Variants in IPO13 observed in about 807,000 individuals in gnomAD.
IPO13 encodes the protein importin-13.
In IPO13, 28 loss-of-function variants were observed where a neutral mutation model predicts 115.5. That is an observed-to-expected ratio of 0.24 (90% confidence interval 0.18 to 0.33). The LOEUF is 0.33. IPO13 is among the 10% of genes least tolerant of loss of function. The probability of loss-of-function intolerance (pLI) is 1.00; values close to 1 mark genes in which losing one functional copy is unlikely to be tolerated. For synonymous variants in IPO13, 414 were observed against 478.9 expected (o/e 0.86, Z 1.77); for missense variants, 785 against 1,204.6 (o/e 0.65, Z 5.16).
chr1:43,949,265 C>A, intron 1 of IPO13, 152 bp from the exon 2 acceptor site: 1 of 727,996 alleles, frequency 1.4e-6, no homozygotes, highest in Non-Finnish European at 2.2e-6. Flanking sequence ...GGACCCCAGG[C>A]CCAGGAAACA....
At chr1:43,963,968 A>G (rs117320340) in intron 14 of IPO13, among the ~76,000 whole-genome samples, 1 of 152,294 alleles carries the variant, frequency 6.6e-6, no homozygotes, top group East Asian at 1.9e-4. Context: ...CTTCAGCTAT[A>G]TGGAGTCCAG....
rs2085327110 is a variant in IPO13 at position 43,966,652 on chromosome 1, C to T, written c.2464+11C>T. ...CTGTGTTCCAGTGTGGTAAGTGGGG[C>T]GAGATGGACAGGTGGGCCTGGGGCT... On this transcript the variant is annotated intron_variant, in intron 16 of 19. Transcript: ENST00000372343. This position sits in a 1 kb window ranked among gnomAD's most constrained non-coding sequence, Gnocchi z 4.1. 12 of 1,614,076 alleles carry T rather than the reference C, an allele frequency of 7.4e-6. No homozygotes were observed. Among genetic ancestry groups the T allele is most frequent in the South Asian group, 2.2e-5 (2 of 91,078 alleles).
In IPO13 at chr1:43,949,562, T is replaced by A. The variant is rs776645448; in HGVS notation, c.230T>A (p.Phe77Tyr). 6.2e-7 allele frequency: 1 copy of A among 1,614,064 alleles called. No homozygotes were observed. The highest frequency in any genetic ancestry group is 8.5e-7 in the Non-Finnish European group (1 of 1,180,032). ...GACAAGGTACCAGAGATCCAGTACT[T>A]TGGGGCCAGTGCTCTTCACATCAAG... ...QPDKVPEIQY[F>Y]GASALHIKIS... The change falls in exon 2 of 20, where the codon TTT (phenylalanine) becomes TAT (tyrosine). Residue 77 changes from phenylalanine to tyrosine, a missense_variant. Physicochemically the swap from Phe to Tyr is conservative, Grantham distance 22 (BLOSUM62 3). Coordinates refer to ENST00000372343, the MANE Select transcript of IPO13 (RefSeq NM_014652.4).
rs2085331837 is a variant in IPO13 at position 43,967,252 on chromosome 1, T to A, written c.2614-63T>A. 1.3e-6 allele frequency: 2 copies of A among 1,550,950 alleles called. No homozygotes were observed. Among genetic ancestry groups the A allele is most frequent in the Non-Finnish European group, 1.8e-6 (2 of 1,132,012 alleles). On this transcript the variant is annotated intron_variant, in intron 18 of 19. Coordinates refer to ENST00000372343, the MANE Select transcript of IPO13 (RefSeq NM_014652.4). The surrounding 1 kb of genome is among the most constrained non-coding windows in gnomAD (Gnocchi z 6.1). Reference sequence around the variant, plus strand: ...GAACTGTCCAGAGGGCAGTTAGGCATTCTTGCTGCAGAAGCGGCGGAAGGG... The same window carrying A: ...GAACTGTCCAGAGGGCAGTTAGGCAATCTTGCTGCAGAAGCGGCGGAAGGG...
At position 43,966,477 on chromosome 1, in the gene IPO13, C is replaced by A. The variant is rs181882721; in HGVS notation, c.2398-98C>A. ...GGTAGCTGGTTTTGGCAGCCTCTACCTGTGAGGTGTGAAGTTGGGGGCTGG... is the reference window on the plus strand; with the variant it reads ...GGTAGCTGGTTTTGGCAGCCTCTACATGTGAGGTGTGAAGTTGGGGGCTGG... On this transcript the variant is annotated intron_variant, in intron 15 of 19. Transcript: ENST00000372343. The surrounding 1 kb of genome is among the most constrained non-coding windows in gnomAD (Gnocchi z 4.1). The A allele has an allele frequency of 1.2e-5, 15 of 1,276,566 alleles. No individual in the cohort carries two copies. In the East Asian group the frequency reaches 3.5e-4, roughly 30 times the overall value. 79.1% of individuals were successfully genotyped at this position (1,276,566 alleles called of 1,614,324 possible).
Position 43,966,500 on chromosome 1 carries a change from T to C in IPO13, c.2398-75T>C. The C allele has an allele frequency of 2.7e-6, 4 of 1,470,994 alleles. No homozygotes were observed. The highest frequency in any genetic ancestry group is 3.8e-6 in the Non-Finnish European group (4 of 1,054,024). 91.1% of individuals were successfully genotyped at this position (1,470,994 alleles called of 1,614,324 possible). On this transcript the variant is annotated intron_variant, in intron 15 of 19. Transcript: ENST00000372343. This position sits in a 1 kb window ranked among gnomAD's most constrained non-coding sequence, Gnocchi z 4.1. ...ACCTGTGAGGTGTGAAGTTGGGGGC[T>C]GGGGTGGCAGGTGAGTGGGGGGGAT...
rs933251557 is a variant in IPO13 at position 43,949,920 on chromosome 1, G to A, written c.588G>A (p.Val196=). The A allele has an allele frequency of 1.2e-6, 2 of 1,609,968 alleles. No homozygotes were observed. Among genetic ancestry groups the A allele is most frequent in the Non-Finnish European group, 1.7e-6 (2 of 1,179,616 alleles). ...RKGLVRTSLA[V]ECGAVFPLLE... is the part of the protein sequence containing the mutation. ...GCCTGGTGCGGACCAGCCTGGCGGT[G>A]GAATGTGGGGCTGTCTTCCCGCTGC... Residue 196 remains valine, a synonymous_variant, in exon 2 of 20, where the codon GTG becomes GTA. Coordinates refer to ENST00000372343, the MANE Select transcript of IPO13 (RefSeq NM_014652.4).
At chr1:43,949,322 G>T in intron 1 of IPO13, 95 bp from the exon 2 acceptor site, 1 of 1,354,944 alleles carries the variant, frequency 7.4e-7, no homozygotes, top group East Asian at 2.4e-5. Context: ...GTCAGGGAGA[G>T]GGAGCAGCCT....
At chr1:43,950,779 A>G (rs1006398704) in intron 2 of IPO13, among the ~76,000 whole-genome samples, 4 of 152,200 alleles carry the variant, frequency 2.6e-5, no homozygotes, top group African/African-American at 9.7e-5. Context: ...CTGGCTCATT[A>G]CATATACTTG....
At chr1:43,961,288 G>C in intron 14 of IPO13, 26 bp downstream of exon 14, 1 of 1,564,698 alleles carries the variant, frequency 6.4e-7, no homozygotes, top group Non-Finnish European at 8.8e-7. Context: ...GGTCTCTGCT[G>C]CTGCTGCCAC....
rs1464110839 is a variant in IPO13 at position 43,958,660 on chromosome 1, G to A, written c.1884+65G>A. The A allele has an allele frequency of 2.2e-5, 35 of 1,612,192 alleles. No individual in the cohort carries two copies. The highest frequency in any genetic ancestry group is 2.8e-5 in the Non-Finnish European group (33 of 1,178,736). On this transcript the variant is annotated intron_variant, in intron 10 of 19. Transcript: ENST00000372343. This position sits in a 1 kb window ranked among gnomAD's most constrained non-coding sequence, Gnocchi z 6.3. ...CTGTGGCTGATGAGGGGTGAGGTTG[G>A]AGCTGGCCCTCAGAGCTGAGGCTCA...
At chr1:43,955,722 G>A (rs537908729) in intron 2 of IPO13, among the ~76,000 whole-genome samples, 3 of 152,264 alleles carry the variant, frequency 2.0e-5, no homozygotes, top group Non-Finnish European at 4.4e-5. Context: ...TTCCAAATAA[G>A]ATCACATTTT....
chr1:43,948,775 C>G (rs1446863991), intron 1 of IPO13, among the ~76,000 whole-genome samples: 1 of 152,222 alleles, frequency 6.6e-6, no homozygotes, highest in Non-Finnish European at 1.5e-5. Context: ...GTGGAGAGCA[C>G]TAAGCTAGGT....
chr1:43,962,957 C>T (rs2085299973), intron 14 of IPO13, among the ~76,000 whole-genome samples: 2 of 152,358 alleles, frequency 1.3e-5, no homozygotes, highest in Non-Finnish European at 2.9e-5. Flanking sequence ...AGGGGGAGGG[C>T]TCCCTGCCCT....
At position 43,947,061 on chromosome 1, in the gene IPO13, A is replaced by G. The variant is rs755803167; in HGVS notation, c.-540A>G. 1.0e-5 allele frequency: 4 copies of G among 398,422 alleles called. No homozygotes were observed. The highest frequency in any genetic ancestry group is 2.1e-5 in the African/African-American group (1 of 48,578). The allele number at this position is 398,422 out of a possible 1,614,324, so 24.7% of individuals were successfully genotyped here. A position where few individuals can be genotyped will look rare whatever the true frequency, so the allele number is the denominator to read the frequency against. On this transcript the variant is annotated 5_prime_UTR_variant, in exon 1 of 20. Coordinates refer to ENST00000372343, the MANE Select transcript of IPO13 (RefSeq NM_014652.4). Reference sequence around the variant, plus strand: ...GGAAGGGACCTGCCACAGCCCCTCAACTCCACGGACTCTTCGCCCTAGACT... The same window carrying G: ...GGAAGGGACCTGCCACAGCCCCTCAGCTCCACGGACTCTTCGCCCTAGACT...
At chr1:43,957,045 C>T in intron 5 of IPO13, 69 bp downstream of exon 5, 1 of 1,573,596 alleles carries the variant, frequency 6.4e-7, no homozygotes, top group East Asian at 2.2e-5. Context: ...GGAAGGGGCC[C>T]AAGTCCAGGC....
chr1:43,960,214 T>C (rs777971481), intron 11 of IPO13, 35 bp from the exon 12 acceptor site: 11 of 1,601,238 alleles, frequency 6.9e-6, no homozygotes, highest in South Asian at 3.3e-5. Context: ...CAGTGATGGA[T>C]AGCAGAAGCG....
chr1:43,957,140 G>T, intron 5 of IPO13, 55 bp from the exon 6 acceptor site: 2 of 1,594,380 alleles, frequency 1.3e-6, no homozygotes, highest in Non-Finnish European at 1.7e-6. Flanking sequence ...GGGCTTGGGG[G>T]CAGGATCCAG....
In IPO13 at chr1:43,967,322, G is replaced by C. The variant is rs750562939; in HGVS notation, c.2621G>C (p.Gly874Ala). The C allele has an allele frequency of 3.7e-5, 59 of 1,613,034 alleles. No individual in the cohort carries two copies. The highest frequency in any genetic ancestry group is 4.9e-5 in the Non-Finnish European group (58 of 1,179,190). Residue 874 changes from glycine to alanine, a missense_variant, in exon 19 of 20, where the codon GGG becomes GCG. This residue lies in a region of IPO13 where 285 missense variants were observed against 394.8 expected (regional missense o/e 0.72). Coordinates refer to ENST00000372343, the MANE Select transcript of IPO13 (RefSeq NM_014652.4). This position sits in a 1 kb window ranked among gnomAD's most constrained non-coding sequence, Gnocchi z 6.1. ...AGAACCCCTCTCCCTCAGGCCATTG[G>C]GGGCCAGGCCTCCCGCAGCCTCATG... ...MLLIAVLEAI[G>A]GQASRSLMDC... is the part of the protein sequence containing the mutation.
Sources: gnomAD v4.1 joint callset for allele counts (sites outside exome capture counted in the v4.1 genomes callset) on GRCh38, gnomAD v4.1.1 for gene constraint, gnomAD v4.1.1 regional missense constraint, Gnocchi (gnomAD v3.1) non-coding constraint, MANE v1.5 for transcripts, NCBI Gene and HGNC (gene_info 2026-07-23, HGNC 2026-07-21) for gene names.